Variants in LRBA observed in about 807,000 individuals in gnomAD.
The protein encoded by LRBA is LPS responsive beige-like anchor protein, also known as lipopolysaccharide-responsive and beige-like anchor protein.
LRBA carries 176 observed loss-of-function variants against 330.0 expected under a neutral mutation model. That is an observed-to-expected ratio of 0.53 (90% confidence interval 0.47 to 0.60). The LOEUF (loss-of-function observed/expected upper bound fraction) is 0.60, where lower values mean the gene tolerates loss of function less well. Ranked by LOEUF, LRBA falls within the 20% of genes least tolerant of loss-of-function variation. The pLI is 0.00. For synonymous variants in LRBA, 1,230 were observed against 1,193.0 expected (o/e 1.03, Z -0.64); for missense variants, 3,259 against 3,444.8 (o/e 0.95, Z 1.35).
At chr4:151,000,602 T>C (rs988532491) in intron 2 of LRBA, among the ~76,000 whole-genome samples, 2 of 152,192 alleles carry the variant, frequency 1.3e-5, no homozygotes, top group Non-Finnish European at 2.9e-5. Context: ...AGAGCATGGA[T>C]ACGCTGGACA....
chr4:150,436,943 T>TA (rs1581307997), intron 44 of LRBA, 79 bp from the exon 45 acceptor site: 6 of 1,257,188 alleles, frequency 4.8e-6, no homozygotes, highest in Non-Finnish European at 6.9e-6. Context: ...GATGATATCC[T>TA]ACTGGTAAGT....
At chr4:150,447,631 C>A (rs542049637) in intron 44 of LRBA, among the ~76,000 whole-genome samples, 1 of 152,258 alleles carries the variant, frequency 6.6e-6, no homozygotes, top group African/African-American at 2.4e-5. Flanking sequence ...CATAATAAAT[C>A]TCTTTTTGGA....
chr4:150,669,667 G>C (rs1383823989), intron 37 of LRBA, among the ~76,000 whole-genome samples: 1 of 151,862 alleles, frequency 6.6e-6, no homozygotes, highest in Non-Finnish European at 1.5e-5. Context: ...CTGGGTTCAA[G>C]CGATTCTCCT....
intron 9 of LRBA, among the ~76,000 whole-genome samples, chr4:150,910,522 G>A (rs576517073): frequency 1.5e-3 from 234 of 152,140 alleles, no homozygotes; most frequent in African/African-American, 5.4e-3. Context: ...GTGTTCCCTT[G>A]GCCTATGTGT....
chr4:150,921,215 G>C lies in LRBA; in HGVS notation c.628C>G (p.Pro210Ala), dbSNP rs772352600. 6.2e-7 allele frequency: 1 copy of C among 1,610,270 alleles called. No homozygotes were observed. Among genetic ancestry groups the C allele is most frequent in the Non-Finnish European group, 8.5e-7 (1 of 1,176,698 alleles). The change falls in exon 5 of 57, where the codon CCA becomes GCA. Residue 210 changes from proline (P) to alanine (A), a missense_variant. By Grantham distance (27) the Pro-to-Ala change is conservative (BLOSUM62 -1). Coordinates refer to ENST00000651943, the MANE Select transcript of LRBA (RefSeq NM_001364905.1). Reference protein sequence around the residue: ...KYGPDAFFNFPGKSAAAIALP... With the variant: ...KYGPDAFFNFAGKSAAAIALP... ...TTACTTACTGCAGCACTCTTTCCTG[G>C]AAAGTTAAAAAAGGCATCAGGACCA... is the stretch of plus-strand genomic sequence containing the variant.
intron 44 of LRBA, among the ~76,000 whole-genome samples, chr4:150,459,185 G>A (rs904752388): frequency 6.6e-6 from 1 of 151,758 alleles, no homozygotes; most frequent in Non-Finnish European, 1.5e-5. Flanking sequence ...GGGGTCTAGG[G>A]GCTTTCACGA....
At position 150,264,549 on chromosome 4, in the gene LRBA, T is replaced by TGTCAA. The variant is rs1169427115; in HGVS notation, c.*1168_*1172dup. On this transcript the variant is annotated 3_prime_UTR_variant, in exon 57 of 57. Coordinates refer to ENST00000651943, the MANE Select transcript of LRBA (RefSeq NM_001364905.1). ...AGATGCCATTTTATTCAGCTTTTTC[T>TGTCAA]GTCAAACTGAATTGTTCATTCCAAA... The TGTCAA allele has an allele frequency of 6.6e-6, 1 of 152,294 alleles. No individual in the cohort carries two copies. The highest frequency in any genetic ancestry group is 1.5e-5 in the Non-Finnish European group (1 of 68,042). 9.4% of individuals were successfully genotyped at this position (152,294 alleles called of 1,614,324 possible).
chr4:150,575,621 AC>A (rs985463738), intron 40 of LRBA, among the ~76,000 whole-genome samples: 3 of 151,968 alleles, frequency 2.0e-5, no homozygotes, highest in African/African-American at 7.2e-5. Flanking sequence ...AAGAAATAGC[AC>A]ATAATGCCAA....
intron 2 of LRBA, among the ~76,000 whole-genome samples, chr4:151,012,022 G>A (rs1744911960): frequency 6.6e-6 from 1 of 152,058 alleles, no homozygotes; most frequent in Non-Finnish European, 1.5e-5. Context: ...CCATGAAAGA[G>A]CATGAAAAGT....
At chr4:150,504,006 A>C (rs1403536703) in intron 40 of LRBA, among the ~76,000 whole-genome samples, 1 of 152,226 alleles carries the variant, frequency 6.6e-6, no homozygotes, top group Non-Finnish European at 1.5e-5. Flanking sequence ...TGGAAGACAA[A>C]ACGAATGACA....
At chr4:150,788,759 TC>T (rs201878028) in intron 34 of LRBA, among the ~76,000 whole-genome samples, 4,917 of 47,120 alleles carry the variant, frequency 0.1, 154 homozygotes, top group Non-Finnish European at 0.15. Flanking sequence ...AGACTTCGTC[TC>T]CAAAAAAAAA....
intron 37 of LRBA, among the ~76,000 whole-genome samples, chr4:150,647,269 G>A (rs1779231249): frequency 6.8e-6 from 1 of 147,858 alleles, no homozygotes; most frequent in Non-Finnish European, 1.5e-5. Context: ...AAAAAAATAA[G>A]CTAAAGTAGG....
At position 150,386,963 on chromosome 4, in the gene LRBA, T is replaced by C. The variant is rs549155258; in HGVS notation, c.7194+28475A>G. On this transcript the variant is annotated intron_variant, in intron 47 of 56. Transcript: ENST00000651943. ...ACTTTTTAATAATAGCCATTCTGAC[T>C]GGTGTGAGATGGTATCTCATTGTGG... Among the ~76,000 whole-genome samples, 28 of 152,210 alleles carry C rather than the reference T, an allele frequency of 1.8e-4. 1 individual carries two copies. Among genetic ancestry groups the C allele is most frequent in the Non-Finnish European group, 4.0e-4 (27 of 68,034 alleles).
At chr4:150,859,305 G>A (rs190097171) in intron 22 of LRBA, among the ~76,000 whole-genome samples, 48 of 152,094 alleles carry the variant, frequency 3.2e-4, no homozygotes, top group Non-Finnish European at 5.1e-4. Context: ...AGTATCTAAG[G>A]TGTTAGTTTT....
chr4:150,666,822 CCATT>C (rs1781605324), intron 37 of LRBA, among the ~76,000 whole-genome samples: 1 of 152,076 alleles, frequency 6.6e-6, no homozygotes, highest in South Asian at 2.1e-4. Flanking sequence ...TTAGTCACAT[CCATT>C]AAGTTTTCAT....
intron 15 of LRBA, among the ~76,000 whole-genome samples, chr4:150,897,059 C>T (rs113121328): frequency 1.3e-5 from 2 of 149,442 alleles, no homozygotes; most frequent in African/African-American, 4.9e-5. Flanking sequence ...GCATCAGGAA[C>T]GAGCAACAAA....
chr4:150,983,149 A>G (rs1741047167), intron 2 of LRBA, among the ~76,000 whole-genome samples: 1 of 152,182 alleles, frequency 6.6e-6, no homozygotes, highest in East Asian at 1.9e-4. Context: ...ACAAAATTAA[A>G]TAAGAGATTA....
chr4:150,435,498 T>C (rs1041660247), intron 46 of LRBA, 91 bp downstream of exon 46: 7 of 1,131,424 alleles, frequency 6.2e-6, no homozygotes, highest in East Asian at 2.5e-5. Flanking sequence ...CTTTTGTAAA[T>C]AGGGCTGTAT....
chr4:150,926,989 T>C (rs1733946162), intron 4 of LRBA, among the ~76,000 whole-genome samples: 2 of 151,276 alleles, frequency 1.3e-5, no homozygotes, highest in African/African-American at 2.4e-5. Flanking sequence ...GAGAATTGCT[T>C]GAACCCAGGA....
Sources: gnomAD v4.1 joint callset for allele counts (sites outside exome capture counted in the v4.1 genomes callset) on GRCh38, gnomAD v4.1.1 for gene constraint, MANE v1.5 for transcripts, NCBI Gene and HGNC (gene_info 2026-07-23, HGNC 2026-07-21) for gene names.